Variants in TRPC7 observed in about 807,000 individuals in gnomAD.
TRPC7 encodes the protein transient receptor potential cation channel subfamily C member 7, also known as short transient receptor potential channel 7.
A neutral mutation model predicts 90.1 loss-of-function variants in TRPC7; 42 were observed. The ratio of observed to expected loss-of-function variants is 0.47; its 90% CI spans 0.36 to 0.60. TRPC7 has a LOEUF of 0.60. TRPC7 is among the 20% of genes least tolerant of loss of function. The pLI, the probability that TRPC7 is intolerant of heterozygous loss-of-function variation, is 0.00. For synonymous variants in TRPC7, 451 were observed against 436.3 expected, an observed-to-expected ratio of 1.03 and a Z score of -0.42; for missense variants, 955 against 1,112.3, an observed-to-expected ratio of 0.86 and a Z score of 2.01.
chr5:136,334,394 CA>C (rs1256917748), intron 2 of TRPC7, among the ~76,000 whole-genome samples: 1 of 152,180 alleles, frequency 6.6e-6, no homozygotes, highest in Non-Finnish European at 1.5e-5. Context: ...TCCCTGCTAA[CA>C]AAAAATACAA....
intron 2 of TRPC7, among the ~76,000 whole-genome samples, chr5:136,324,533 T>C (rs1759288773): frequency 6.6e-6 from 1 of 152,212 alleles, no homozygotes; most frequent in African/African-American, 2.4e-5. Flanking sequence ...ATTTCTTTTC[T>C]TTCCTTTTGA....
chr5:136,324,759 A>C (rs930059918), intron 2 of TRPC7, among the ~76,000 whole-genome samples: 1 of 152,248 alleles, frequency 6.6e-6, no homozygotes, highest in African/African-American at 2.4e-5. Flanking sequence ...GACAAACTTA[A>C]ATTAGAAGAG....
Position 136,304,742 on chromosome 5 carries a change from CG to C in TRPC7, c.963+10854del, listed in dbSNP as rs560009356. The stretch of plus-strand genomic sequence containing the variant: ...TTTCATCCTCATCTGTTACCTATCT[CG>C]GCATAATTCTCATAAAAACACACGT... On this transcript the variant is annotated intron_variant, in intron 3 of 11. Transcript: ENST00000513104. Among the ~76,000 whole-genome samples, 516 of 152,250 alleles carry C rather than the reference CG, an allele frequency of 3.4e-3. 1 individual carries two copies. Among genetic ancestry groups the C allele is most frequent in the African/African-American group, 0.011 (475 of 41,514 alleles).
At chr5:136,245,390 G>A (rs1231415972) in intron 7 of TRPC7, among the ~76,000 whole-genome samples, 6 of 152,158 alleles carry the variant, frequency 3.9e-5, no homozygotes, top group African/African-American at 1.2e-4. Flanking sequence ...GTGGGGCAGC[G>A]CAGTCCATAA....
intron 10 of TRPC7, among the ~76,000 whole-genome samples, chr5:136,224,160 C>G (rs1461479742): frequency 6.6e-6 from 1 of 152,176 alleles, no homozygotes; most frequent in Non-Finnish European, 1.5e-5. Context: ...CAAAGGAATG[C>G]TCAGGACAGC....
intron 5 of TRPC7, among the ~76,000 whole-genome samples, chr5:136,263,795 A>G (rs990221552): frequency 1.3e-5 from 2 of 152,226 alleles, no homozygotes; most frequent in Non-Finnish European, 2.9e-5. Context: ...ACACAAAAAT[A>G]TTTACAGAAT....
At chr5:136,359,232 C>T (rs1760485000) in intron 1 of TRPC7, among the ~76,000 whole-genome samples, 1 of 152,178 alleles carries the variant, frequency 6.6e-6, no homozygotes, top group African/African-American at 2.4e-5. Context: ...GCAAATAATG[C>T]AGATCAGATC....
At chr5:136,312,972 CT>C (rs34840823) in intron 3 of TRPC7, among the ~76,000 whole-genome samples, 7,421 of 96,886 alleles carry the variant, frequency 0.077, 244 homozygotes, top group Non-Finnish European at 0.1. Context: ...AGTAGTGATT[CT>C]TTTTTTTTTT....
intron 7 of TRPC7, among the ~76,000 whole-genome samples, chr5:136,232,286 T>C (rs767600888): frequency 6.6e-6 from 1 of 152,154 alleles, no homozygotes; most frequent in Non-Finnish European, 1.5e-5. Context: ...GGCAGACACC[T>C]GGAAAGTGGG....
chr5:136,227,444 T>A (rs1221843524), intron 8 of TRPC7, among the ~76,000 whole-genome samples: 1 of 152,180 alleles, frequency 6.6e-6, no homozygotes, highest in Non-Finnish European at 1.5e-5. Context: ...AGGCAGTGAC[T>A]ACACTCTGAG....
At chr5:136,285,460 G>C (rs1757683184) in intron 3 of TRPC7, among the ~76,000 whole-genome samples, 2 of 152,184 alleles carry the variant, frequency 1.3e-5, no homozygotes, top group African/African-American at 4.8e-5. Flanking sequence ...TCTGTTTGCA[G>C]CCTCTTTAAA....
chr5:136,332,192 A>G lies in TRPC7; in HGVS notation c.781-16413T>C, dbSNP rs562505136. Among the ~76,000 whole-genome samples, 85 of 152,212 alleles carry G rather than the reference A, an allele frequency of 5.6e-4. 1 individual carries two copies. Among genetic ancestry groups the G allele is most frequent in the African/African-American group, 2.0e-3 (83 of 41,518 alleles). ...CCAGACAGAGGGTCCCCGTGCTAAG[A>G]GGAAGAAGAGTACAAAGCCAAGAGA... On this transcript the variant is annotated intron_variant, in intron 2 of 11. Coordinates refer to ENST00000513104, the MANE Select transcript of TRPC7 (RefSeq NM_020389.3).
At chr5:136,274,053 CT>C (rs1225856665) in intron 4 of TRPC7, among the ~76,000 whole-genome samples, 1 of 152,170 alleles carries the variant, frequency 6.6e-6, no homozygotes, top group African/African-American at 2.4e-5. Flanking sequence ...CTTCTCTTTC[CT>C]TTGCCTTTTT....
intron 5 of TRPC7, among the ~76,000 whole-genome samples, chr5:136,262,013 C>T (rs1351971186): frequency 6.6e-6 from 1 of 152,146 alleles, no homozygotes; most frequent in Non-Finnish European, 1.5e-5. Context: ...TTCTTGACTG[C>T]TCTCTTTCTC....
At chr5:136,301,460 C>A (rs1230324989) in intron 3 of TRPC7, among the ~76,000 whole-genome samples, 16 of 150,550 alleles carry the variant, frequency 1.1e-4, no homozygotes, top group African/African-American at 3.9e-4. Context: ...ACTGAAGATC[C>A]ACAAAAGAAG....
At chr5:136,244,856 G>A (rs982363709) in intron 7 of TRPC7, among the ~76,000 whole-genome samples, 3 of 152,178 alleles carry the variant, frequency 2.0e-5, no homozygotes, top group Admixed American at 2.0e-4. Flanking sequence ...GGCCTGTGCT[G>A]GTGGACAGTG....
intron 11 of TRPC7, 27 bp downstream of exon 11, chr5:136,216,173 C>T (rs566734196): frequency 6.3e-7 from 1 of 1,591,616 alleles, no homozygotes; most frequent in East Asian, 2.2e-5. Context: ...TTTAAATCAC[C>T]ACGTGGGTGG....
intron 4 of TRPC7, among the ~76,000 whole-genome samples, chr5:136,272,928 C>T (rs1299484146): frequency 6.6e-6 from 1 of 152,130 alleles, no homozygotes; most frequent in African/African-American, 2.4e-5. Flanking sequence ...TGCATATGTA[C>T]CAAGATTCCT....
At chr5:136,347,701 CA>C (rs1181526882) in intron 2 of TRPC7, among the ~76,000 whole-genome samples, 1 of 152,182 alleles carries the variant, frequency 6.6e-6, no homozygotes, top group Non-Finnish European at 1.5e-5. Context: ...AATTTTCCAT[CA>C]AAGATCAAGG....
Sources: gnomAD v4.1 joint callset for allele counts (sites outside exome capture counted in the v4.1 genomes callset) on GRCh38, gnomAD v4.1.1 for gene constraint, MANE v1.5 for transcripts, NCBI Gene and HGNC (gene_info 2026-07-23, HGNC 2026-07-21) for gene names.